Variants in TRIM23 observed in about 807,000 individuals in gnomAD.
TRIM23 encodes E3 ubiquitin-protein ligase TRIM23.
In TRIM23, 27 loss-of-function variants were observed where a neutral mutation model predicts 71.0. The observed-to-expected ratio is 0.38, with a 90% confidence interval of 0.28 to 0.52. The LOEUF (loss-of-function observed/expected upper bound fraction) is 0.52. TRIM23 is among the 20% of genes least tolerant of loss of function. TRIM23 has a pLI of 0.84. For missense variants in TRIM23, 482 were observed against 692.3 expected (o/e 0.70, Z 3.41); for synonymous variants, 234 against 238.0 (o/e 0.98, Z 0.16).
intron 1 of TRIM23, among the ~76,000 whole-genome samples, chr5:65,618,625 T>C (rs1181969173): frequency 6.6e-6 from 1 of 152,196 alleles, no homozygotes; most frequent in Non-Finnish European, 1.5e-5. Context: ...ACCTAACCCA[T>C]CATTAATTTC....
intron 3 of TRIM23, among the ~76,000 whole-genome samples, chr5:65,612,809 ACT>A (rs1006840768): frequency 6.6e-6 from 1 of 152,170 alleles, no homozygotes; most frequent in Admixed American, 6.5e-5. Context: ...ACAGAGTGAG[ACT>A]CTGTCTTAAA....
chr5:65,591,569 TCTG>T lies in TRIM23; in HGVS notation c.*197_*199del. Reference sequence around the variant, plus strand: ...TAAGTTTCTATTTAATTCAATCTAATCTGCTCAATTAGAAATTTAATTCTGCCA... The same window carrying T: ...TAAGTTTCTATTTAATTCAATCTAATCTCAATTAGAAATTTAATTCTGCCA... On this transcript the variant is annotated 3_prime_UTR_variant, in exon 11 of 11. Coordinates refer to ENST00000231524, the MANE Select transcript of TRIM23 (RefSeq NM_001656.4). 2 of 1,363,148 alleles carry T rather than the reference TCTG, an allele frequency of 1.5e-6. No individual in the cohort carries two copies. Among genetic ancestry groups the T allele is most frequent in the African/African-American group, 3.1e-5 (2 of 64,606 alleles). The allele number at this position is 1,363,148 out of a possible 1,614,324, so 84.4% of individuals were successfully genotyped here.
intron 9 of TRIM23, among the ~76,000 whole-genome samples, chr5:65,594,935 G>A (rs185280016): frequency 1.1e-4 from 16 of 152,198 alleles, no homozygotes; most frequent in Admixed American, 3.3e-4. Flanking sequence ...TTTACATAAC[G>A]AATTTCAAAA....
chr5:65,611,792 T>G lies in TRIM23; in HGVS notation c.456A>C (p.Gln152His), dbSNP rs764696115. The change falls in exon 4 of 11, where the codon CAA becomes CAC. Residue 152 changes from glutamine to histidine, a missense_variant. By Grantham distance (24) the Gln-to-His change is conservative. Around this residue, in one of 2 missense-constraint regions of TRIM23, gnomAD observed 175 missense variants for 196.5 expected, o/e 0.89. Coordinates refer to ENST00000231524, the MANE Select transcript of TRIM23 (RefSeq NM_001656.4). ...CTAATGTCTTTGTAGAATGAGTAAC[T>G]TGAGAACACTCAGAGCACAAATGAG... ...CATHLCSECS[Q>H]VTHSTKTLAK... The G allele has an allele frequency of 5.0e-6, 8 of 1,614,056 alleles. No homozygotes were observed. Among genetic ancestry groups the G allele is most frequent in the Middle Eastern group, 1.6e-4 (1 of 6,084 alleles).
chr5:65,612,338 A>G (rs909486105), intron 3 of TRIM23, among the ~76,000 whole-genome samples: 14 of 152,232 alleles, frequency 9.2e-5, no homozygotes, highest in African/African-American at 3.4e-4. Context: ...ATGTAGGAGT[A>G]TGCATCAGAA....
chr5:65,620,923 C>A (rs577035424), intron 1 of TRIM23, among the ~76,000 whole-genome samples: 1 of 145,036 alleles, frequency 6.9e-6, no homozygotes, highest in Admixed American at 6.9e-5. Context: ...AAAAAAAAAT[C>A]AAAAACTGAG....
At chr5:65,622,545 T>A (rs1046166024) in intron 1 of TRIM23, among the ~76,000 whole-genome samples, 2 of 152,212 alleles carry the variant, frequency 1.3e-5, no homozygotes, top group African/African-American at 4.8e-5. Context: ...ATCAACTTGT[T>A]CACAAGCAAA....
At chr5:65,609,935 C>G (rs1754608881) in intron 5 of TRIM23, among the ~76,000 whole-genome samples, 1 of 152,150 alleles carries the variant, frequency 6.6e-6, no homozygotes. Flanking sequence ...GCAAAAACAA[C>G]CGGAGTCATC....
intron 7 of TRIM23, 91 bp downstream of exon 7, chr5:65,604,820 C>T (rs1269894557): frequency 7.9e-7 from 1 of 1,270,438 alleles, no homozygotes; most frequent in African/African-American, 1.5e-5. Flanking sequence ...TCATGAATTT[C>T]ATGGTTGTCT....
chr5:65,620,996 C>T (rs1754921088), intron 1 of TRIM23, among the ~76,000 whole-genome samples: 1 of 151,886 alleles, frequency 6.6e-6, no homozygotes. Flanking sequence ...TGCCATTGCA[C>T]TCCCACCTGG....
In TRIM23 at chr5:65,591,645, T is replaced by TTATATATATA. The variant is rs10644434; in HGVS notation, c.*114_*123dup. 4,423 of 715,950 alleles carry TTATATATATA rather than the reference T, an allele frequency of 6.2e-3. 64 individuals are homozygous for TTATATATATA. The highest frequency in any genetic ancestry group is 0.025 in the African/African-American group (1,129 of 45,758). The allele number at this position is 715,950 out of a possible 1,614,324, so 44.3% of individuals were successfully genotyped here. ...ACTGAATTCCCAATCCAAGATTCCT[T>TTATATATATA]TATATATATATATATATATATGCAT... On this transcript the variant is annotated 3_prime_UTR_variant, in exon 11 of 11. Coordinates refer to ENST00000231524, the MANE Select transcript of TRIM23 (RefSeq NM_001656.4).
chr5:65,596,353 TTAA>T, intron 9 of TRIM23, 65 bp downstream of exon 9: 1 of 1,099,680 alleles, frequency 9.1e-7, no homozygotes, highest in South Asian at 1.3e-5. Flanking sequence ...GCTTTGCTAG[TTAA>T]ATCAGTACAC....
Position 65,603,622 on chromosome 5 carries a change from T to C in TRIM23, c.1179+1289A>G, listed in dbSNP as rs139309718. Reference sequence around the variant, plus strand: ...GGCATAAAAGCTAGATTTCTCTGAATAAACCTTGCTTTGAACATTTGACTC... The same window carrying C: ...GGCATAAAAGCTAGATTTCTCTGAACAAACCTTGCTTTGAACATTTGACTC... On this transcript the variant is annotated intron_variant, in intron 7 of 10. Coordinates refer to ENST00000231524, the MANE Select transcript of TRIM23 (RefSeq NM_001656.4). 3.5e-3 allele frequency among the ~76,000 whole-genome samples: 540 copies of C among 152,316 alleles called. 3 individuals are homozygous for C. Among genetic ancestry groups the C allele is most frequent in the African/African-American group, 0.012 (509 of 41,574 alleles).
Position 65,590,523 on chromosome 5 carries a change from C to T in TRIM23, c.*1246G>A. The T allele has an allele frequency of 1.8e-6, 2 of 1,141,386 alleles. No individual in the cohort carries two copies. The highest frequency in any genetic ancestry group is 2.2e-6 in the Non-Finnish European group (2 of 922,072). 70.7% of individuals were successfully genotyped at this position (1,141,386 alleles called of 1,614,324 possible). A position where few individuals can be genotyped will look rare whatever the true frequency, so the allele number is the denominator to read the frequency against. On this transcript the variant is annotated 3_prime_UTR_variant, in exon 11 of 11. Coordinates refer to ENST00000231524, the MANE Select transcript of TRIM23 (RefSeq NM_001656.4). ...TCAACTAATAAGATTTAAGATTTAA[C>T]TTCATCCTAATGTATCAGAACATTA...
Position 65,610,982 on chromosome 5 carries a change from C to A in TRIM23, c.707G>T (p.Cys236Phe). 6.2e-7 allele frequency: 1 copy of A among 1,613,794 alleles called. No homozygotes were observed. Among genetic ancestry groups the A allele is most frequent in the Non-Finnish European group, 8.5e-7 (1 of 1,179,904 alleles). The change falls in exon 5 of 11, where the codon TGC becomes TTC. Residue 236 changes from cysteine (C) to phenylalanine (F), a missense_variant. This residue lies in a region of TRIM23 where 307 missense variants were observed against 495.8 expected (regional missense o/e 0.62). Coordinates refer to ENST00000231524, the MANE Select transcript of TRIM23 (RefSeq NM_001656.4). Reference protein sequence around the residue: ...IRASILDMAHCIRTFTEEISD... With the variant: ...IRASILDMAHFIRTFTEEISD... ...GATTTCCTCTGTGAAGGTCCGTATG[C>A]AGTGAGCCATATCTAAAATTGATGC...
Position 65,590,442 on chromosome 5 carries a change from A to G in TRIM23, c.*1327T>C, listed in dbSNP as rs1753986721. 7.5e-7 allele frequency: 1 copy of G among 1,325,160 alleles called. No individual in the cohort carries two copies. The allele number at this position is 1,325,160 out of a possible 1,614,324, so 82.1% of individuals were successfully genotyped here. A position where few individuals can be genotyped will look rare whatever the true frequency, so the allele number is the denominator to read the frequency against. On this transcript the variant is annotated 3_prime_UTR_variant, in exon 11 of 11. Coordinates refer to ENST00000231524, the MANE Select transcript of TRIM23 (RefSeq NM_001656.4). ...ATAGATTTGAAAAGAATGAACCACAACAGTGCTACCAAAAAGTCACATCTT... is the reference window on the plus strand; with the variant it reads ...ATAGATTTGAAAAGAATGAACCACAGCAGTGCTACCAAAAAGTCACATCTT...
intron 2 of TRIM23, among the ~76,000 whole-genome samples, chr5:65,614,544 A>G (rs1356876519): frequency 6.6e-6 from 1 of 152,024 alleles, no homozygotes; most frequent in Non-Finnish European, 1.5e-5. Flanking sequence ...AGACCAGCCC[A>G]GTCAACATGG....
intron 3 of TRIM23, chr5:65,613,598 C>T (rs1006373524): frequency 1.5e-6 from 1 of 650,406 alleles, no homozygotes; most frequent in Non-Finnish European, 2.0e-6. Flanking sequence ...TAGACATCTA[C>T]CTGTATGGAT....
chr5:65,614,653 T>G (rs1051468932), intron 2 of TRIM23, among the ~76,000 whole-genome samples: 3 of 150,778 alleles, frequency 2.0e-5, no homozygotes, highest in African/African-American at 7.3e-5. Flanking sequence ...GAGAATTGCT[T>G]GAACCCGGGA....
Sources: allele counts gnomAD v4.1 joint callset (sites outside exome capture counted in the v4.1 genomes callset), GRCh38; gene constraint gnomAD v4.1.1; regional missense constraint gnomAD v4.1.1; transcripts MANE v1.5; gene names NCBI Gene and HGNC (gene_info 2026-07-23, HGNC 2026-07-21).